The following ZNF599 variants were observed in gnomAD, a reference collection of about 807,000 sequenced individuals.
The protein encoded by ZNF599 is zinc finger protein 599.
Under a neutral mutation model 11.7 loss-of-function variants are expected in ZNF599, and 10 were observed. The ratio of observed to expected loss-of-function variants is 0.86; its 90% CI spans 0.53 to 1.45. ZNF599 has a LOEUF of 1.45. Ranked by LOEUF, ZNF599 falls within the 40% of genes most tolerant of loss-of-function variation. The pLI is 0.00. For synonymous variants in ZNF599, 232 were observed against 253.2 expected, an observed-to-expected ratio of 0.92 and a Z score of 0.79; for missense variants, 688 against 713.6, an observed-to-expected ratio of 0.96 and a Z score of 0.41.
At chr19:34,769,357 C>A in intron 2 of ZNF599, 72 bp downstream of exon 2, 1 of 1,609,032 alleles carries the variant, frequency 6.2e-7, no homozygotes, top group Non-Finnish European at 8.5e-7. Flanking sequence ...GGCTCCTGGA[C>A]CAGCCATGCC....
chr19:34,769,278 A>G, intron 2 of ZNF599, 151 bp downstream of exon 2: 1 of 924,232 alleles, frequency 1.1e-6, no homozygotes, highest in Non-Finnish European at 1.6e-6. Flanking sequence ...AGACACAGGG[A>G]AACCCAGCAA....
At chr19:34,804,860 TA>T in the ZNF599 span, among the ~76,000 whole-genome samples, 7 of 152,148 alleles carry the variant, frequency 4.6e-5, no homozygotes, top group Non-Finnish European at 8.8e-5. Context: ...CCTGCACAAA[TA>T]ACTCACAATC....
the ZNF599 span, among the ~76,000 whole-genome samples, chr19:34,781,225 G>T: frequency 0.026 from 3,945 of 149,974 alleles, 57 homozygotes; most frequent in Non-Finnish European, 0.037. Flanking sequence ...GGAAATGAAA[G>T]AAAAGAAATA....
the ZNF599 span, chr19:34,779,319 T>G: frequency 4.7e-6 from 1 of 214,190 alleles, no homozygotes; most frequent in Admixed American, 6.2e-5. Flanking sequence ...CAGGCTGGTC[T>G]CAAACTTCCA....
the ZNF599 span, among the ~76,000 whole-genome samples, chr19:34,790,993 T>A: frequency 6.6e-6 from 1 of 152,226 alleles, no homozygotes; most frequent in Non-Finnish European, 1.5e-5. Flanking sequence ...TAGCTAAGTC[T>A]TTTAGAGCCA....
At chr19:34,796,628 G>A in the ZNF599 span, among the ~76,000 whole-genome samples, 1 of 152,084 alleles carries the variant, frequency 6.6e-6, no homozygotes, top group Non-Finnish European at 1.5e-5. Context: ...GTTTTTAAGA[G>A]GGCTAAATAT....
At chr19:34,772,005 T>G (rs2069186512) in intron 1 of ZNF599, among the ~76,000 whole-genome samples, 1 of 152,044 alleles carries the variant, frequency 6.6e-6, no homozygotes, top group Non-Finnish European at 1.5e-5. Context: ...AGATTGAAGT[T>G]AGAGAACAGA....
the ZNF599 span, among the ~76,000 whole-genome samples, chr19:34,798,168 C>T: frequency 1.3e-5 from 2 of 152,190 alleles, no homozygotes; most frequent in Non-Finnish European, 2.9e-5. Flanking sequence ...TTTGTATTTA[C>T]AATAATCAGG....
At chr19:34,773,578 A>G (rs944784527), upstream of ZNF599, among the ~76,000 whole-genome samples, 10 of 152,186 alleles carry the variant, frequency 6.6e-5, no homozygotes, top group Non-Finnish European at 1.2e-4. Context: ...GAAAATGAAG[A>G]TAATTATTTA....
chr19:34,806,034 C>T, the ZNF599 span, among the ~76,000 whole-genome samples: 2 of 152,154 alleles, frequency 1.3e-5, no homozygotes, highest in African/African-American at 4.8e-5. Flanking sequence ...GAGTCACACA[C>T]AGGCTGAGTC....
At chr19:34,789,667 T>C in the ZNF599 span, among the ~76,000 whole-genome samples, 2,001 of 152,334 alleles carry the variant, frequency 0.013, 43 homozygotes, top group South Asian at 0.083. Context: ...ATGCTAAATG[T>C]CTATTCAGGT....
upstream of ZNF599, among the ~76,000 whole-genome samples, chr19:34,774,923 G>T (rs146996766): frequency 3.3e-5 from 5 of 152,208 alleles, no homozygotes; most frequent in East Asian, 9.7e-4. Flanking sequence ...TGAATGATTT[G>T]ATGCCATCCC....
chr19:34,786,356 A>G, the ZNF599 span, among the ~76,000 whole-genome samples: 3 of 152,016 alleles, frequency 2.0e-5, no homozygotes, highest in South Asian at 2.1e-4. Context: ...GTTGAGCCCA[A>G]TCTCTCTCCC....
chr19:34,800,592 T>TTC, the ZNF599 span, among the ~76,000 whole-genome samples: 1 of 146,370 alleles, frequency 6.8e-6, no homozygotes, highest in East Asian at 2.0e-4. Flanking sequence ...CTTTGTTTTT[T>TTC]TTTTTTTTTT....
At chr19:34,804,020 C>T in the ZNF599 span, among the ~76,000 whole-genome samples, 2 of 152,172 alleles carry the variant, frequency 1.3e-5, no homozygotes, top group South Asian at 2.1e-4. Context: ...CTAGTACTTC[C>T]CCAAGACCTC....
chr19:34,777,500 TTAA>T (rs2069226875), upstream of ZNF599, among the ~76,000 whole-genome samples: 1 of 110,806 alleles, frequency 9.0e-6, no homozygotes, highest in Non-Finnish European at 1.7e-5. Flanking sequence ...ATGATATATA[TTAA>T]TATATTATAT....
chr19:34,774,048 C>A (rs1281882800), upstream of ZNF599, among the ~76,000 whole-genome samples: 1 of 152,138 alleles, frequency 6.6e-6, no homozygotes, highest in African/African-American at 2.4e-5. Context: ...CATAATAATA[C>A]GTTGCAGCAT....
rs778774560 is a variant in ZNF599 at position 34,760,048 on chromosome 19, C to T, written c.753G>A (p.Gly251=). 6.2e-7 allele frequency: 1 copy of T among 1,613,904 alleles called. No individual in the cohort carries two copies. The highest frequency in any genetic ancestry group is 8.5e-7 in the Non-Finnish European group (1 of 1,179,976). Residue 251 remains glycine, a synonymous_variant, in exon 4 of 4, where the codon GGG becomes GGA. Transcript: ENST00000329285. ...ACTCAATACACTTGTATGGTTTTTC[C>T]CCAGTATGAAGCCTCATATGTCGAA... The part of the protein sequence containing the change: ...DVIRHMRLHT[G]EKPYKCIECG...
At chr19:34,787,527 C>T in the ZNF599 span, among the ~76,000 whole-genome samples, 2 of 152,200 alleles carry the variant, frequency 1.3e-5, no homozygotes, top group Admixed American at 6.5e-5. Context: ...CAGGATTCAA[C>T]GCTTGAGAAC....
Sources: gnomAD v4.1 joint callset for allele counts (sites outside exome capture counted in the v4.1 genomes callset) on GRCh38, gnomAD v4.1.1 for gene constraint, MANE v1.5 for transcripts, NCBI Gene and HGNC (gene_info 2026-07-23, HGNC 2026-07-21) for gene names.